The following RAB3GAP1 variants were observed in gnomAD, a reference collection of about 807,000 sequenced individuals.
RAB3GAP1 encodes rab3 GTPase-activating protein catalytic subunit.
A neutral mutation model predicts 130.7 loss-of-function variants in RAB3GAP1; 86 were observed. The ratio of observed to expected loss-of-function variants is 0.66; its 90% CI spans 0.55 to 0.79. RAB3GAP1 has a LOEUF of 0.79. Ranked by LOEUF, RAB3GAP1 falls within the 30% of genes least tolerant of loss-of-function variation. The pLI is 0.00. For missense variants in RAB3GAP1, 1,029 were observed against 1,169.4 expected, an observed-to-expected ratio of 0.88 and a Z score of 1.75; for synonymous variants, 367 against 401.7, an observed-to-expected ratio of 0.91 and a Z score of 1.03.
Position 135,169,777 on chromosome 2 carries a change from G to T in RAB3GAP1, c.*996G>T, listed in dbSNP as rs1404798769. The T allele has an allele frequency of 6.6e-6, 3 of 456,106 alleles. No individual in the cohort carries two copies. The highest frequency in any genetic ancestry group is 4.7e-5 in the South Asian group (3 of 64,488). The allele number at this position is 456,106 out of a possible 1,614,324, so 28.3% of individuals were successfully genotyped here. ...ATGTGTAGCCCCCCCGTGTGAGGAT[G>T]ACATCACCACATTTCTAGTTTCATG... On this transcript the variant is annotated 3_prime_UTR_variant, in exon 24 of 24. Transcript: ENST00000264158.
intron 3 of RAB3GAP1, among the ~76,000 whole-genome samples, chr2:135,063,482 C>T: frequency 6.6e-6 from 1 of 152,130 alleles, no homozygotes; most frequent in East Asian, 1.9e-4. Context: ...TCTTTCCCCA[C>T]CCTCAGTCCC....
rs578182809 is a variant in RAB3GAP1 at position 135,133,937 on chromosome 2, A to G, written c.1403A>G (p.Asn468Ser). ...CTGGCTTTGTGTCTCTGTATGATCA[A>G]TTTTTACCATGGAGGGTTGAAAGGA... ...YKLALCLCMI[N>S]FYHGGLKGVA... Residue 468 changes from asparagine to serine, a missense_variant, in exon 15 of 24, where the codon AAT (asparagine) becomes AGT (serine). By Grantham distance (46) the Asn-to-Ser change is conservative (BLOSUM62 1). Transcript: ENST00000264158. 7.8e-5 allele frequency: 126 copies of G among 1,613,928 alleles called. No individual in the cohort carries two copies. The highest frequency in any genetic ancestry group is 7.0e-4 in the Admixed American group (42 of 60,024).
chr2:135,067,313 A>G (rs1203891851), intron 3 of RAB3GAP1, among the ~76,000 whole-genome samples: 3 of 152,238 alleles, frequency 2.0e-5, no homozygotes, highest in Non-Finnish European at 4.4e-5. Context: ...TAAAAACAGA[A>G]GCAACATTGA....
chr2:135,143,316 G>T (rs1691898563), intron 17 of RAB3GAP1, among the ~76,000 whole-genome samples: 1 of 151,598 alleles, frequency 6.6e-6, no homozygotes. Flanking sequence ...TTGGCATTTG[G>T]TATATTATCT....
intron 3 of RAB3GAP1, among the ~76,000 whole-genome samples, chr2:135,071,894 AT>A (rs1689483918): frequency 6.6e-6 from 1 of 152,076 alleles, no homozygotes; most frequent in African/African-American, 2.4e-5. Context: ...GACTTAGAAT[AT>A]TGTATTGAAT....
intron 3 of RAB3GAP1, among the ~76,000 whole-genome samples, chr2:135,073,884 A>G (rs1689547535): frequency 6.6e-6 from 1 of 152,162 alleles, no homozygotes; most frequent in Non-Finnish European, 1.5e-5. Context: ...TGGGACCGTA[A>G]AAAACGTCTG....
chr2:135,174,607 T>C (rs554512863), downstream of RAB3GAP1, among the ~76,000 whole-genome samples: 2 of 152,340 alleles, frequency 1.3e-5, no homozygotes, highest in East Asian at 1.9e-4. Flanking sequence ...GAGTAAATAA[T>C]GACTTGTCCA....
intron 3 of RAB3GAP1, among the ~76,000 whole-genome samples, chr2:135,084,013 G>A (rs1352828375): frequency 6.6e-6 from 1 of 152,074 alleles, no homozygotes; most frequent in Non-Finnish European, 1.5e-5. Flanking sequence ...GGGAGGCCAA[G>A]GCGGGTGAAT....
chr2:135,081,351 TATATATATATACAC>T (rs371469198), intron 3 of RAB3GAP1, among the ~76,000 whole-genome samples: 2,942 of 94,304 alleles, frequency 0.031, 166 homozygotes, highest in South Asian at 0.071. Context: ...TATATATATA[TATATATATATACAC>T]ACACGTGTGT....
chr2:135,075,685 G>T (rs1181632839), intron 3 of RAB3GAP1, among the ~76,000 whole-genome samples: 13 of 135,530 alleles, frequency 9.6e-5, no homozygotes, highest in Non-Finnish European at 1.7e-4. Context: ...TTTTGGGGGG[G>T]GTCACTATTT....
chr2:135,117,630 GCTTCTGCTT>G (rs1558784539), intron 7 of RAB3GAP1, among the ~76,000 whole-genome samples: 3 of 17,426 alleles, frequency 1.7e-4, no homozygotes, highest in African/African-American at 6.6e-4. Flanking sequence ...TGCTTCTTCT[GCTTCTGCTT>G]CTTCTTCTGC....
chr2:135,147,694 C>T (rs1462118752), intron 17 of RAB3GAP1, among the ~76,000 whole-genome samples: 1 of 148,390 alleles, frequency 6.7e-6, no homozygotes, highest in Non-Finnish European at 1.5e-5. Flanking sequence ...CTCACTGCAG[C>T]CTCAATCTCC....
At chr2:135,074,002 C>G (rs1203705691) in intron 3 of RAB3GAP1, among the ~76,000 whole-genome samples, 1 of 152,126 alleles carries the variant, frequency 6.6e-6, no homozygotes, top group Non-Finnish European at 1.5e-5. Flanking sequence ...GGGCATTCCA[C>G]CTATTGGAAA....
At position 135,115,141 on chromosome 2, in the gene RAB3GAP1, T is replaced by C. The variant is rs572893968; in HGVS notation, c.483-75T>C. ...TTTCAAATTCTTGAGATTAAAATAA[T>C]TTGGAAAAAATTTGAGGTTCAGGTT... On this transcript the variant is annotated intron_variant, in intron 6 of 23. Coordinates refer to ENST00000264158, the MANE Select transcript of RAB3GAP1 (RefSeq NM_012233.3). 36 of 1,416,044 alleles carry C rather than the reference T, an allele frequency of 2.5e-5. No individual in the cohort carries two copies. The African/African-American group carries it at 5.1e-4, about 20-fold the overall frequency. The allele number at this position is 1,416,044 out of a possible 1,614,324, so 87.7% of individuals were successfully genotyped here. A position where few individuals can be genotyped will look rare whatever the true frequency, so the allele number is the denominator to read the frequency against.
chr2:135,068,047 C>G (rs1689370819), intron 3 of RAB3GAP1, among the ~76,000 whole-genome samples: 1 of 152,110 alleles, frequency 6.6e-6, no homozygotes, highest in African/African-American at 2.4e-5. Context: ...GCCTCTCTTA[C>G]AAGTATTTAC....
intron 17 of RAB3GAP1, among the ~76,000 whole-genome samples, chr2:135,146,971 A>AACAC (rs34094441): frequency 0.03 from 4,434 of 147,506 alleles, 166 homozygotes; most frequent in African/African-American, 0.087. Context: ...AGGGGGTATA[A>AACAC]ACACACACAC....
chr2:135,120,786 T>TGAATTAATATGAAAAGGG, intron 7 of RAB3GAP1, 33 bp from the exon 8 acceptor site: 1 of 1,435,388 alleles, frequency 7.0e-7, no homozygotes. Context: ...GTACCAGCAT[T>TGAATTAATATGAAAAGGG]TACACGGTAT....
At chr2:135,080,299 T>G (rs1162226512) in intron 3 of RAB3GAP1, among the ~76,000 whole-genome samples, 1 of 152,234 alleles carries the variant, frequency 6.6e-6, no homozygotes, top group East Asian at 1.9e-4. Context: ...TAAAAAATAC[T>G]TATAATGAAC....
chr2:135,083,188 G>A (rs72978328), intron 3 of RAB3GAP1, among the ~76,000 whole-genome samples: 4 of 151,898 alleles, frequency 2.6e-5, no homozygotes, highest in Non-Finnish European at 4.4e-5. Context: ...ATATTCCATC[G>A]TAGGGGTATA....
Sources: allele counts gnomAD v4.1 joint callset (sites outside exome capture counted in the v4.1 genomes callset), GRCh38; gene constraint gnomAD v4.1.1; transcripts MANE v1.5; gene names NCBI Gene and HGNC (gene_info 2026-07-23, HGNC 2026-07-21).